ZNF248: variants seen among roughly 807,000 people sequenced by gnomAD.
ZNF248 encodes the protein zinc finger protein 248.
Under a neutral mutation model 44.3 loss-of-function variants are expected in ZNF248, and 20 were observed. The observed-to-expected ratio is 0.45, with a 90% CI of 0.32 to 0.66. ZNF248 has a LOEUF of 0.66. Among genes scored for constraint, ZNF248 ranks in the 30% least tolerant of loss-of-function variants. ZNF248 has a pLI of 0.04. For synonymous variants in ZNF248, 224 were observed against 229.0 expected (o/e 0.98, Z 0.20); for missense variants, 654 against 677.0 (o/e 0.97, Z 0.38).
the ZNF248 span, among the ~76,000 whole-genome samples, chr10:37,769,416 T>G: frequency 1.7e-4 from 26 of 152,304 alleles, no homozygotes; most frequent in East Asian, 3.9e-3. Flanking sequence ...TCAAAAAGCT[T>G]ATCCACCATG....
At chr10:37,768,672 A>G in the ZNF248 span, among the ~76,000 whole-genome samples, 1 of 152,226 alleles carries the variant, frequency 6.6e-6, no homozygotes, top group East Asian at 1.9e-4. Context: ...GAAAGGAGGA[A>G]AGATCCAAAA....
chr10:37,821,454 T>C (rs1743814), intron 6 of ZNF248, among the ~76,000 whole-genome samples: 9,116 of 152,238 alleles, frequency 0.06, 348 homozygotes, highest in Middle Eastern at 0.096. Context: ...TACTATGGAC[T>C]GCTCACACCC....
At chr10:37,763,677 G>C in the ZNF248 span, among the ~76,000 whole-genome samples, 1 of 152,178 alleles carries the variant, frequency 6.6e-6, no homozygotes. Context: ...AAAAGTAGAA[G>C]ACAGAAAAGA....
At chr10:37,779,453 A>C (rs2047015412) in intron 6 of ZNF248, among the ~76,000 whole-genome samples, 1 of 152,206 alleles carries the variant, frequency 6.6e-6, no homozygotes, top group South Asian at 2.1e-4. Context: ...GGCCTTTGAC[A>C]AAATTCAACA....
chr10:37,836,435 C>T (rs542662574), intron 5 of ZNF248, among the ~76,000 whole-genome samples: 4 of 152,226 alleles, frequency 2.6e-5, no homozygotes, highest in Non-Finnish European at 5.9e-5. Context: ...CCACCATGCC[C>T]GCTAGCTTCC....
At chr10:37,777,593 G>C (rs1431921651) in intron 6 of ZNF248, among the ~76,000 whole-genome samples, 2 of 146,590 alleles carry the variant, frequency 1.4e-5, no homozygotes, top group African/African-American at 2.5e-5. Context: ...GTGCAGGTTA[G>C]TTACATATGT....
intron 6 of ZNF248, among the ~76,000 whole-genome samples, chr10:37,813,019 C>CAAAAAAAAAAAAAAAAAAAAAAAAA (rs1269928346): frequency 8.5e-6 from 1 of 117,090 alleles, no homozygotes; most frequent in Non-Finnish European, 1.8e-5. Flanking sequence ...GTGGATATGG[C>CAAAAAAAAAAAAAAAAAAAAAAAAA]AAAAAGAAAA....
intron 6 of ZNF248, chr10:37,820,025 A>G: frequency 2.5e-6 from 2 of 794,158 alleles, no homozygotes; most frequent in African/African-American, 3.4e-5. Context: ...TGACTTTTCT[A>G]TGAGGACTTT....
At position 37,818,926 on chromosome 10, in the gene ZNF248, G is replaced by A. The variant is rs550254912; in HGVS notation, c.330+14099C>T. Reference sequence around the variant, plus strand: ...ACACTGATAGAAGATCACACCCACCGACCACACAACAATTTTATTTGAGAT... The same window carrying A: ...ACACTGATAGAAGATCACACCCACCAACCACACAACAATTTTATTTGAGAT... On this transcript the variant is annotated intron_variant, in intron 6 of 6. Transcript: ENST00000615949. 386 of 1,102,914 alleles carry A rather than the reference G, an allele frequency of 3.5e-4. 1 individual carries two copies. Among genetic ancestry groups the A allele is most frequent in the Non-Finnish European group, 4.6e-4 (335 of 725,970 alleles). The allele number at this position is 1,102,914 out of a possible 1,614,324, so 68.3% of individuals were successfully genotyped here.
intron 3 of ZNF248, among the ~76,000 whole-genome samples, chr10:37,853,127 GAGCCACC>G (rs2060616336): frequency 6.6e-6 from 1 of 151,900 alleles, no homozygotes; most frequent in Non-Finnish European, 1.5e-5. Context: ...TTACAGGCGT[GAGCCACC>G]GTGCCAGGCC....
In ZNF248 at chr10:37,830,477, A is replaced by T. The variant is rs1352235764; in HGVS notation, c.*1138T>A. 2.0e-6 allele frequency: 2 copies of T among 985,328 alleles called. No homozygotes were observed. Among genetic ancestry groups the T allele is most frequent in the Non-Finnish European group, 2.4e-6 (2 of 829,944 alleles). The allele number at this position is 985,328 out of a possible 1,614,324, so 61.0% of individuals were successfully genotyped here. A position where few individuals can be genotyped will look rare whatever the true frequency, so the allele number is the denominator to read the frequency against. ...AGTAGGACAGATTCAGAGGTAGTTA[A>T]AAACCTCACGGAAATATTTTTGGCT... On this transcript the variant is annotated 3_prime_UTR_variant, in exon 6 of 6. Transcript: ENST00000395867.
At chr10:37,833,209 T>G (rs965934852) in intron 5 of ZNF248, 93 bp from the exon 6 acceptor site, 11 of 1,460,428 alleles carry the variant, frequency 7.5e-6, no homozygotes, top group Non-Finnish European at 7.2e-6. Flanking sequence ...TACAGTCAAT[T>G]CTTTTGTTTT....
intron 6 of ZNF248, among the ~76,000 whole-genome samples, chr10:37,809,764 C>G (rs922427743): frequency 2.6e-5 from 4 of 151,724 alleles, no homozygotes; most frequent in Non-Finnish European, 5.9e-5. Context: ...TTTCAATTTC[C>G]CTTGTGATTT....
the ZNF248 span, among the ~76,000 whole-genome samples, chr10:37,767,717 C>T: frequency 1.3e-5 from 2 of 152,166 alleles, no homozygotes; most frequent in African/African-American, 4.8e-5. Context: ...ACTGCATCAA[C>T]TAAAGAGCAA....
At chr10:37,810,263 C>T (rs1208692) in intron 6 of ZNF248, among the ~76,000 whole-genome samples, 9,317 of 152,186 alleles carry the variant, frequency 0.061, 363 homozygotes, top group Middle Eastern at 0.095. Context: ...ATTATTGGAA[C>T]GACATATTGA....
chr10:37,781,196 C>G (rs1323229701), intron 6 of ZNF248, among the ~76,000 whole-genome samples: 1 of 152,142 alleles, frequency 6.6e-6, no homozygotes, highest in Non-Finnish European at 1.5e-5. Flanking sequence ...ACCTGGGTGG[C>G]TCAGGTCCCA....
At position 37,831,941 on chromosome 10, in the gene ZNF248, A is replaced by T. The variant is rs528295300; in HGVS notation, c.1414T>A (p.Ser472Thr). Residue 472 changes from serine to threonine, a missense_variant, in exon 6 of 6, where the codon TCC becomes ACC. Ser to Thr is a moderately conservative substitution (Grantham distance 58, BLOSUM62 1). Transcript: ENST00000395867. ...GTGAGGGCTGATCTGTGGCAGAAGG[A>T]TTTCCCACATGCATTACATTCATAG... ...KPYECNACGK[S>T]FCHRSALTVH... The T allele has an allele frequency of 5.6e-6, 9 of 1,602,606 alleles. No individual in the cohort carries two copies. The South Asian group carries it at 7.7e-5, about 14-fold the overall frequency.
At chr10:37,793,194 G>C (rs2048762412) in intron 6 of ZNF248, among the ~76,000 whole-genome samples, 1 of 151,922 alleles carries the variant, frequency 6.6e-6, no homozygotes, top group South Asian at 2.1e-4. Flanking sequence ...AATTACCCAG[G>C]CATGGTGGCA....
At chr10:37,779,749 T>A (rs1206369635) in intron 6 of ZNF248, among the ~76,000 whole-genome samples, 2 of 150,646 alleles carry the variant, frequency 1.3e-5, no homozygotes, top group African/African-American at 2.4e-5. Flanking sequence ...ACGACATGAT[T>A]GTATATCTAG....
Sources: allele counts gnomAD v4.1 joint callset (sites outside exome capture counted in the v4.1 genomes callset), GRCh38; gene constraint gnomAD v4.1.1; transcripts MANE v1.5; gene names NCBI Gene and HGNC (gene_info 2026-07-23, HGNC 2026-07-21).